The following CES5A variants were observed in gnomAD, a reference collection of about 807,000 sequenced individuals.
CES5A encodes the protein carboxylesterase 5.
CES5A carries 67 observed loss-of-function variants against 62.9 expected under a neutral mutation model. The ratio of observed to expected loss-of-function variants is 1.07; its 90% CI spans 0.88 to 1.31. The LOEUF is 1.31. CES5A is among the 50% of genes most tolerant of loss of function. CES5A has a pLI of 0.00. For synonymous variants in CES5A, 296 were observed against 280.8 expected, an observed-to-expected ratio of 1.05 and a Z score of -0.54; for missense variants, 748 against 708.5, an observed-to-expected ratio of 1.06 and a Z score of -0.63.
exon 1 of CES5A, chr16:55,955,886 C>T (rs1459771708): frequency 1.3e-6 from 2 of 1,536,088 alleles, no homozygotes; most frequent in Admixed American, 2.0e-5. Context: ...GAACAGCCAT[C>T]AGACTTGCCC....
At chr16:55,924,515 C>A (rs1357839370) in intron 1 of CES5A, among the ~76,000 whole-genome samples, 1 of 151,826 alleles carries the variant, frequency 6.6e-6, no homozygotes, top group South Asian at 2.1e-4. Flanking sequence ...TTTATAGATT[C>A]AATGCAATCC....
At chr16:55,877,225 G>T (rs1396506021), upstream of CES5A, among the ~76,000 whole-genome samples, 4 of 152,126 alleles carry the variant, frequency 2.6e-5, no homozygotes, top group South Asian at 2.1e-4. Flanking sequence ...TGCGGGTGGG[G>T]TGGGGAGCAA....
chr16:55,858,149 A>G (rs1205109585), intron 8 of CES5A, among the ~76,000 whole-genome samples: 3 of 152,220 alleles, frequency 2.0e-5, no homozygotes, highest in African/African-American at 7.2e-5. Context: ...CAGTGAGCCA[A>G]GATCCACCAC....
At chr16:55,866,345 T>C (rs1356906139) in intron 4 of CES5A, among the ~76,000 whole-genome samples, 1 of 152,122 alleles carries the variant, frequency 6.6e-6, no homozygotes, top group Non-Finnish European at 1.5e-5. Context: ...ACATTCAATA[T>C]TGTAGCTGCA....
chr16:55,872,590 C>T (rs554300502), intron 2 of CES5A, among the ~76,000 whole-genome samples: 1 of 152,302 alleles, frequency 6.6e-6, no homozygotes, highest in African/African-American at 2.4e-5. Context: ...AATGTGAATG[C>T]TTCTACCATA....
chr16:55,954,408 G>A (rs2034587481), intron 1 of CES5A, among the ~76,000 whole-genome samples: 1 of 152,228 alleles, frequency 6.6e-6, no homozygotes, highest in African/African-American at 2.4e-5. Context: ...GCTTCTCATA[G>A]TCGGTCCTGA....
chr16:55,911,366 G>A (rs777717368), intron 1 of CES5A, among the ~76,000 whole-genome samples: 2 of 152,104 alleles, frequency 1.3e-5, no homozygotes, highest in East Asian at 1.9e-4. Flanking sequence ...CTGGAAACAC[G>A]CCCAGTTTAA....
intron 5 of CES5A, among the ~76,000 whole-genome samples, chr16:55,863,914 G>A (rs1239167259): frequency 3.3e-5 from 5 of 151,734 alleles, no homozygotes; most frequent in Non-Finnish European, 4.4e-5. Flanking sequence ...GCACCACCAC[G>A]CCCAGCTAAT....
Position 55,867,968 on chromosome 16 carries a change from C to G in CES5A, c.551+1643G>C, listed in dbSNP as rs576712717. Among the ~76,000 whole-genome samples the G allele has an allele frequency of 7.9e-5, 12 of 152,274 alleles. No homozygotes were observed. In the South Asian group the frequency reaches 2.5e-3, roughly 32 times the overall value. Reference sequence around the variant, plus strand: ...GGGGCTCCCTATCTGCAGCTGGGCACCCCTGGCTCAGCCTCCACTCTGCTC... The same window carrying G: ...GGGGCTCCCTATCTGCAGCTGGGCAGCCCTGGCTCAGCCTCCACTCTGCTC... On this transcript the variant is annotated intron_variant, in intron 4 of 12. Transcript: ENST00000290567.
intron 2 of CES5A, among the ~76,000 whole-genome samples, chr16:55,935,158 C>G (rs7187445): frequency 0.37 from 56,568 of 151,974 alleles, 11,108 homozygotes; most frequent in African/African-American, 0.47. Context: ...GGCCAGGCTG[C>G]TGTTGAACTC....
chr16:55,938,797 T>TATATATATACAC (rs1440495150), intron 2 of CES5A, among the ~76,000 whole-genome samples: 1 of 51,100 alleles, frequency 2.0e-5, no homozygotes, highest in African/African-American at 1.0e-4. Context: ...TATATATATA[T>TATATATATACAC]ACACACATAT....
intron 1 of CES5A, among the ~76,000 whole-genome samples, chr16:55,920,501 A>T (rs6499803): frequency 0.22 from 34,094 of 152,180 alleles, 5,048 homozygotes; most frequent in Non-Finnish European, 0.33. Flanking sequence ...CTGCTGAGGT[A>T]TCCCCTTTGA....
At chr16:55,875,416 T>A, upstream of CES5A, 2 of 1,315,386 alleles carry the variant, frequency 1.5e-6, no homozygotes, top group Non-Finnish European at 2.0e-6. Flanking sequence ...CTGTTCTGAT[T>A]TACATAAGAA....
At position 55,875,177 on chromosome 16, in the gene CES5A, A is replaced by G. The variant is rs1312422316; in HGVS notation, c.45T>C (p.Ala15=). The G allele has an allele frequency of 1.5e-5, 25 of 1,614,008 alleles. No individual in the cohort carries two copies. Among genetic ancestry groups the G allele is most frequent in the Non-Finnish European group, 2.1e-5 (25 of 1,179,996 alleles). Reference sequence around the variant, plus strand: ...TGGTGGGGGCTGCAAGGACCCAGATAGCCCAAATTAGGATCTGGCCTGGGT... The same window carrying G: ...TGGTGGGGGCTGCAAGGACCCAGATGGCCCAAATTAGGATCTGGCCTGGGT... ...WVHPGQILIW[A]IWVLAAPTKG... is the part of the protein sequence containing the mutation. Residue 15 remains alanine, a synonymous_variant, in exon 1 of 13, where the codon GCT becomes GCC. Transcript: ENST00000290567.
intron 1 of CES5A, among the ~76,000 whole-genome samples, chr16:55,909,733 C>T (rs1338009296): frequency 2.0e-5 from 3 of 152,192 alleles, no homozygotes; most frequent in South Asian, 4.1e-4. Flanking sequence ...CCCCACCTAG[C>T]TCTATGTCCG....
rs148525400 is a variant in CES5A, at chr16:55,946,289, G to A, written c.160+3496C>T. ...CCCCAGTCTGATATACCCAGAAGCTGTAGGTCAAACCACATTTCAGGCCAA... is the reference window on the plus strand; with the variant it reads ...CCCCAGTCTGATATACCCAGAAGCTATAGGTCAAACCACATTTCAGGCCAA... On this transcript the variant is annotated intron_variant, in intron 2 of 13. Coordinates refer to the CES5A transcript ENST00000521992. Among the ~76,000 whole-genome samples, 32 of 152,140 alleles carry A rather than the reference G, an allele frequency of 2.1e-4. No individual in the cohort carries two copies. In the East Asian group the frequency reaches 5.8e-3, roughly 28 times the overall value.
At chr16:55,905,608 C>T (rs1247755185) in intron 1 of CES5A, among the ~76,000 whole-genome samples, 2 of 152,084 alleles carry the variant, frequency 1.3e-5, no homozygotes, top group African/African-American at 2.4e-5. Context: ...GATCCGCCTG[C>T]CTCAGCCTCC....
chr16:55,853,357 G>T (rs1471978400), intron 9 of CES5A, among the ~76,000 whole-genome samples: 1 of 152,162 alleles, frequency 6.6e-6, no homozygotes, highest in Non-Finnish European at 1.5e-5. Flanking sequence ...GCATCATCGT[G>T]GAGCTCAGTG....
chr16:55,907,083 G>GTGA (rs1253209887), intron 1 of CES5A, among the ~76,000 whole-genome samples: 2 of 152,170 alleles, frequency 1.3e-5, no homozygotes, highest in East Asian at 3.9e-4. Context: ...ATTTTATTTG[G>GTGA]TGATGATGAT....
Sources: allele counts gnomAD v4.1 joint callset (sites outside exome capture counted in the v4.1 genomes callset), GRCh38; gene constraint gnomAD v4.1.1; transcripts MANE v1.5; gene names NCBI Gene and HGNC (gene_info 2026-07-23, HGNC 2026-07-21).